The following PCDH11X variants were observed in gnomAD, a reference collection of about 807,000 sequenced individuals.
PCDH11X encodes protocadherin-11 X-linked.
Under a neutral mutation model 53.3 loss-of-function variants are expected in PCDH11X, and 18 were observed. The observed-to-expected ratio is 0.34, with a 90% CI of 0.23 to 0.50. The LOEUF is 0.50. PCDH11X is among the 20% of genes least tolerant of loss of function. The pLI is 0.98. For synonymous variants in PCDH11X, 279 were observed against 393.3 expected, an observed-to-expected ratio of 0.71 and a Z score of 3.44; for missense variants, 570 against 1,032.4, an observed-to-expected ratio of 0.55 and a Z score of 6.14.
chrX:92,431,093 A>G (rs2072241319), intron 9 of PCDH11X, among the ~76,000 whole-genome samples: 1 of 111,355 alleles, frequency 9.0e-6, no homozygotes, highest in South Asian at 3.7e-4. Flanking sequence ...ACTTTACTAT[A>G]TAATATTGTC....
chrX:92,376,222 G>A (rs933390210), intron 8 of PCDH11X, among the ~76,000 whole-genome samples: 2 of 111,494 alleles, frequency 1.8e-5, no homozygotes, highest in East Asian at 2.8e-4. Context: ...TCAATTGCGG[G>A]GTGAGCAACT....
chrX:91,808,339 A>G (rs1190355492), intron 1 of PCDH11X, among the ~76,000 whole-genome samples: 1 of 108,922 alleles, frequency 9.2e-6, no homozygotes, highest in African/African-American at 3.3e-5. Context: ...AACTAAAAAT[A>G]CAAAAATTAG....
chrX:92,279,663 T>G (rs1413256269), intron 8 of PCDH11X, among the ~76,000 whole-genome samples: 1 of 112,492 alleles, frequency 8.9e-6, no homozygotes, highest in African/African-American at 3.2e-5. Context: ...CCTATTAACT[T>G]TTACTTGCCA....
intron 8 of PCDH11X, among the ~76,000 whole-genome samples, chrX:92,376,456 A>G (rs2070756359): frequency 8.9e-6 from 1 of 112,040 alleles, no homozygotes; most frequent in South Asian, 3.7e-4. Context: ...GATGATTTTC[A>G]TTTTCACGAA....
chrX:91,807,168 C>A, intron 1 of PCDH11X, among the ~76,000 whole-genome samples: 1 of 76,559 alleles, frequency 1.3e-5, no homozygotes, highest in African/African-American at 5.2e-5. Flanking sequence ...AGAAAGACCT[C>A]ATCTCTACAA....
Position 92,615,351 on chromosome X carries a change from C to T in PCDH11X, c.3368-2913C>T, listed in dbSNP as rs113335992. Among the ~76,000 whole-genome samples, 519 of 111,384 alleles carry T rather than the reference C, an allele frequency of 4.7e-3. 2 individuals are homozygous for T. Among genetic ancestry groups the T allele is most frequent in the Non-Finnish European group, 4.9e-3 (261 of 53,010 alleles). ...CTTGGATTTCTGCATGGAGGTGGAACGGAGAGGGCCCTGCTATACCACAAT... is the reference window on the plus strand; with the variant it reads ...CTTGGATTTCTGCATGGAGGTGGAATGGAGAGGGCCCTGCTATACCACAAT... On this transcript the variant is annotated intron_variant, in intron 10 of 10. Coordinates refer to ENST00000682573, the MANE Select transcript of PCDH11X (RefSeq NM_032968.5).
chrX:92,597,748 G>A (rs967506941), intron 10 of PCDH11X, among the ~76,000 whole-genome samples: 6 of 111,108 alleles, frequency 5.4e-5, no homozygotes, highest in East Asian at 2.8e-4. Flanking sequence ...GAACAAAACC[G>A]GAGGAATTAT....
chrX:92,574,708 T>C (rs1170189393), intron 10 of PCDH11X, among the ~76,000 whole-genome samples: 1 of 111,460 alleles, frequency 9.0e-6, no homozygotes, highest in African/African-American at 3.3e-5. Flanking sequence ...ATGAAGTGAT[T>C]AGACTTACTA....
chrX:91,789,304 C>T (rs1935453680), intron 1 of PCDH11X, among the ~76,000 whole-genome samples: 1 of 98,262 alleles, frequency 1.0e-5, no homozygotes, highest in Non-Finnish European at 2.0e-5. Flanking sequence ...TCAAAATCTT[C>T]CAAAACATGA....
At chrX:92,487,048 C>CTTTTTTTTTTTTTTTTTTT (rs758641899) in intron 10 of PCDH11X, among the ~76,000 whole-genome samples, 5 of 67,836 alleles carry the variant, frequency 7.4e-5, no homozygotes, top group African/African-American at 3.1e-4. Flanking sequence ...AATATGCTTC[C>CTTTTTTTTTTTTTTTTTTT]TTTTTTTTTT....
At chrX:92,375,142 T>TTATATATATATATATATATATATA (rs1260512423) in intron 8 of PCDH11X, among the ~76,000 whole-genome samples, 8 of 12,977 alleles carry the variant, frequency 6.2e-4, no homozygotes, top group African/African-American at 1.1e-3. Context: ...TTCCATTCAT[T>TTATATATATATATATATATATATA]TATATATATA....
intron 6 of PCDH11X, among the ~76,000 whole-genome samples, chrX:92,149,043 G>A (rs1330202564): frequency 5.4e-5 from 6 of 110,954 alleles, no homozygotes; most frequent in Non-Finnish European, 7.5e-5. Context: ...AAACATTATC[G>A]AATGTATAAA....
intron 1 of PCDH11X, among the ~76,000 whole-genome samples, chrX:91,798,881 G>A (rs1405253533): frequency 2.7e-5 from 3 of 109,971 alleles, no homozygotes; most frequent in Non-Finnish European, 5.7e-5. Flanking sequence ...TTTCTTGTTG[G>A]AATGTATTTT....
chrX:92,384,425 G>A (rs1382679965), intron 8 of PCDH11X, among the ~76,000 whole-genome samples: 4 of 111,947 alleles, frequency 3.6e-5, no homozygotes, highest in Admixed American at 1.9e-4. Flanking sequence ...CACCTTGCCC[G>A]CTGCCTAGAC....
At chrX:92,382,767 G>C (rs374598345) in intron 8 of PCDH11X, among the ~76,000 whole-genome samples, 1 of 109,061 alleles carries the variant, frequency 9.2e-6, no homozygotes, top group Non-Finnish European at 1.9e-5. Context: ...TCATGAAAAC[G>C]CCAGGATTTA....
chrX:91,941,696 A>G (rs1320207878), intron 6 of PCDH11X, among the ~76,000 whole-genome samples: 1 of 109,302 alleles, frequency 9.1e-6, no homozygotes, highest in Non-Finnish European at 1.9e-5. Flanking sequence ...TGCCACTGTC[A>G]ACTAACTTGA....
In PCDH11X at chrX:92,318,221, C is replaced by T. The variant is rs2069122754; in HGVS notation, c.3144+55078C>T. Among the ~76,000 whole-genome samples the T allele has an allele frequency of 4.5e-5, 5 of 111,198 alleles. No individual in the cohort carries two copies. The Admixed American group carries it at 4.8e-4, about 11-fold the overall frequency. ...AAGTGTTTTCCTTATATTTTTATTGCCTACCTACATTTCAAAATTACTCTG... is the reference window on the plus strand; with the variant it reads ...AAGTGTTTTCCTTATATTTTTATTGTCTACCTACATTTCAAAATTACTCTG... On this transcript the variant is annotated intron_variant, in intron 8 of 10. Coordinates refer to ENST00000682573, the MANE Select transcript of PCDH11X (RefSeq NM_032968.5).
At chrX:91,996,063 G>A (rs370964900) in intron 6 of PCDH11X, among the ~76,000 whole-genome samples, 14 of 104,526 alleles carry the variant, frequency 1.3e-4, no homozygotes, top group East Asian at 9.1e-4. Flanking sequence ...GGATGGTCTC[G>A]ATCTCCTGAC....
chrX:92,162,409 C>T (rs1812944944), intron 6 of PCDH11X, among the ~76,000 whole-genome samples: 1 of 110,278 alleles, frequency 9.1e-6, no homozygotes, highest in Non-Finnish European at 1.9e-5. Flanking sequence ...CTAGGCTGGT[C>T]TTGAACTCCT....
Sources: gnomAD v4.1 joint callset for allele counts (sites outside exome capture counted in the v4.1 genomes callset) on GRCh38, gnomAD v4.1.1 for gene constraint, MANE v1.5 for transcripts, NCBI Gene and HGNC (gene_info 2026-07-23, HGNC 2026-07-21) for gene names.